GATA4: variants seen among roughly 807,000 people sequenced by gnomAD.
GATA4 encodes the protein transcription factor GATA-4.
In GATA4, 7 loss-of-function variants were observed where a neutral mutation model predicts 37.9. The ratio of observed to expected loss-of-function variants is 0.18; its 90% CI spans 0.11 to 0.35. The LOEUF is 0.35. Ranked by LOEUF, GATA4 falls within the 10% of genes least tolerant of loss-of-function variation. GATA4 has a pLI of 1.00. For missense variants in GATA4, 647 were observed against 653.0 expected (o/e 0.99, Z 0.10); for synonymous variants, 372 against 292.6 (o/e 1.27, Z -2.77).
intron 2 of GATA4, among the ~76,000 whole-genome samples, chr8:11,720,293 G>A (rs116177841): frequency 0.019 from 2,945 of 151,930 alleles, 83 homozygotes; most frequent in South Asian, 0.09. Flanking sequence ...TGTCTTTCCC[G>A]GTACCACAGA....
chr8:11,742,360 C>G (rs1801783698), intron 2 of GATA4, among the ~76,000 whole-genome samples: 1 of 151,322 alleles, frequency 6.6e-6, no homozygotes, highest in Non-Finnish European at 1.5e-5. Flanking sequence ...TCCCCCCTCC[C>G]TCCGTTCTTG....
rs1554488883 is a variant in GATA4 at position 11,709,575 on chromosome 8, C to CTG, written c.616+647_616+648insTG. ...GCGCGTGGGCGCATCATGCGGGCAGCGGGGGGGGGGGCGCACACGCCCGGT... is the reference window on the plus strand; with the variant it reads ...GCGCGTGGGCGCATCATGCGGGCAGCTGGGGGGGGGGGGCGCACACGCCCGGT... On this transcript the variant is annotated intron_variant, in intron 2 of 6. Transcript: ENST00000532059. The surrounding 1 kb of genome is among the most constrained non-coding windows in gnomAD (Gnocchi z 4.3). 1.2e-4 allele frequency among the ~76,000 whole-genome samples: 11 copies of CTG among 93,860 alleles called. 1 individual carries two copies. The South Asian group carries it at 2.0e-3, about 17-fold the overall frequency. 61.6% of individuals were successfully genotyped at this position (93,860 alleles called of 152,430 possible).
At chr8:11,695,535 G>C (rs1286691850) in intron 1 of GATA4, among the ~76,000 whole-genome samples, 2 of 152,124 alleles carry the variant, frequency 1.3e-5, no homozygotes, top group African/African-American at 4.8e-5. Flanking sequence ...ACAGTCCTAC[G>C]CTCAAGGGGC....
At chr8:11,750,767 T>G (rs948123463) in intron 4 of GATA4, among the ~76,000 whole-genome samples, 4 of 90,064 alleles carry the variant, frequency 4.4e-5, no homozygotes, top group African/African-American at 1.9e-4. Context: ...ACTTTGTCTC[T>G]ACTAAAAAAA....
rs964816805 is a variant in GATA4 at position 11,708,033 on chromosome 8, C to T, written c.-280C>T. On this transcript the variant is annotated 5_prime_UTR_variant, in exon 2 of 7. Transcript: ENST00000532059. This position sits in a 1 kb window ranked among gnomAD's most constrained non-coding sequence, Gnocchi z 6.7. ...CCAATAGGTGCGCCGGACCTTCAGGCCCTGGGGTGAATTCAGCTGCTCCTA... is the reference window on the plus strand; with the variant it reads ...CCAATAGGTGCGCCGGACCTTCAGGTCCTGGGGTGAATTCAGCTGCTCCTA... 4.1e-6 allele frequency: 2 copies of T among 492,752 alleles called. No homozygotes were observed. The highest frequency in any genetic ancestry group is 2.0e-5 in the African/African-American group (1 of 51,198). The allele number at this position is 492,752 out of a possible 1,614,324, so 30.5% of individuals were successfully genotyped here.
At chr8:11,735,721 C>T (rs1450985550) in intron 2 of GATA4, among the ~76,000 whole-genome samples, 1 of 152,168 alleles carries the variant, frequency 6.6e-6, no homozygotes, top group Non-Finnish European at 1.5e-5. Context: ...TGCCACCACG[C>T]TGGCTAATTT....
chr8:11,690,246 G>A (rs930324766), upstream of GATA4, among the ~76,000 whole-genome samples: 9 of 152,332 alleles, frequency 5.9e-5, no homozygotes, highest in Middle Eastern at 3.4e-3. Context: ...CCGTGTCTCA[G>A]CCACAGCCCT....
intron 2 of GATA4, among the ~76,000 whole-genome samples, chr8:11,732,731 A>G (rs564046839): frequency 6.6e-6 from 1 of 152,314 alleles, no homozygotes; most frequent in East Asian, 1.9e-4. Flanking sequence ...CTAGCAGAGT[A>G]AAGGTTTGCT....
Position 11,708,131 on chromosome 8 carries a change from T to G in GATA4, c.-182T>G. Reference sequence around the variant, plus strand: ...TAAACAAGAGCCTAGAGCCCTTTGCTCAATGCTGGATTTAATACGTATATA... The same window carrying G: ...TAAACAAGAGCCTAGAGCCCTTTGCGCAATGCTGGATTTAATACGTATATA... On this transcript the variant is annotated 5_prime_UTR_variant, in exon 2 of 7. Coordinates refer to ENST00000532059, the MANE Select transcript of GATA4 (RefSeq NM_001308093.3). This position sits in a 1 kb window ranked among gnomAD's most constrained non-coding sequence, Gnocchi z 6.7. 1 of 743,758 alleles carries G rather than the reference T, an allele frequency of 1.3e-6. No individual in the cohort carries two copies. Among genetic ancestry groups the G allele is most frequent in the South Asian group, 1.5e-5 (1 of 67,372 alleles). 46.1% of individuals were successfully genotyped at this position (743,758 alleles called of 1,614,324 possible). A position where few individuals can be genotyped will look rare whatever the true frequency, so the allele number is the denominator to read the frequency against.
At chr8:11,686,825 C>T (rs1205569611) in intron 1 of GATA4, among the ~76,000 whole-genome samples, 1 of 152,084 alleles carries the variant, frequency 6.6e-6, no homozygotes, top group Admixed American at 6.6e-5. Flanking sequence ...TGATGAAACC[C>T]CGTTTCTACT....
chr8:11,711,019 G>C (rs977885788), intron 2 of GATA4, among the ~76,000 whole-genome samples: 1 of 152,214 alleles, frequency 6.6e-6, no homozygotes, highest in African/African-American at 2.4e-5. Context: ...GCTGAGGCAG[G>C]AGAATCGGTT....
intron 1 of GATA4, among the ~76,000 whole-genome samples, chr8:11,679,922 G>T (rs117223605): frequency 1.4e-3 from 218 of 152,302 alleles, no homozygotes; most frequent in Middle Eastern, 6.8e-3. Context: ...GTTGTGTGTC[G>T]CCGAATAGTT....
intron 2 of GATA4, among the ~76,000 whole-genome samples, chr8:11,733,467 T>G (rs1801304402): frequency 6.6e-6 from 1 of 152,144 alleles, no homozygotes; most frequent in African/African-American, 2.4e-5. Flanking sequence ...TGTGTAGCAG[T>G]GAAAAATTAC....
chr8:11,712,690 T>TAAAA (rs3030047), intron 2 of GATA4, among the ~76,000 whole-genome samples: 8,139 of 92,608 alleles, frequency 0.088, 343 homozygotes, highest in South Asian at 0.11. Context: ...ACCACATCTC[T>TAAAA]AAAAAAAAAA....
At chr8:11,692,413 TCTAC>T (rs1184689036), upstream of GATA4, 2 of 733,416 alleles carry the variant, frequency 2.7e-6, no homozygotes, top group East Asian at 2.6e-4. Context: ...CGTTGATTTC[TCTAC>T]CTATCTTATC....
intron 1 of GATA4, among the ~76,000 whole-genome samples, chr8:11,686,270 T>C (rs1799133185): frequency 6.6e-6 from 1 of 151,716 alleles, no homozygotes; most frequent in South Asian, 2.1e-4. Flanking sequence ...AAGATAAAAG[T>C]AACATCGAGA....
intron 1 of GATA4, among the ~76,000 whole-genome samples, chr8:11,705,630 A>G (rs1799859052): frequency 6.6e-6 from 1 of 152,226 alleles, no homozygotes; most frequent in African/African-American, 2.4e-5. Context: ...CGCCAACTGC[A>G]GGATCCAGGC....
At chr8:11,757,405 T>C (rs570956183) in intron 6 of GATA4, among the ~76,000 whole-genome samples, 2 of 152,310 alleles carry the variant, frequency 1.3e-5, no homozygotes, top group East Asian at 3.9e-4. Context: ...AGGGCTGGCA[T>C]ACAGCATGGG....
upstream of GATA4, chr8:11,692,103 C>G (rs937349877): frequency 1.1e-6 from 1 of 951,146 alleles, no homozygotes; most frequent in African/African-American, 1.8e-5. Flanking sequence ...ACAGGTGAGG[C>G]AGGCAGGAGC....
Sources: gnomAD v4.1 joint callset for allele counts (sites outside exome capture counted in the v4.1 genomes callset) on GRCh38, gnomAD v4.1.1 for gene constraint, Gnocchi (gnomAD v3.1) non-coding constraint, MANE v1.5 for transcripts, NCBI Gene and HGNC (gene_info 2026-07-23, HGNC 2026-07-21) for gene names.